The following POPDC2 variants were observed in gnomAD, a reference collection of about 807,000 sequenced individuals.
The protein encoded by POPDC2 is popeye domain cAMP effector 2.
In POPDC2, 24 loss-of-function variants were observed where a neutral mutation model predicts 30.5. The ratio of observed to expected loss-of-function variants is 0.79; its 90% confidence interval spans 0.57 to 1.11. POPDC2 has a LOEUF of 1.11. Among genes scored for constraint, POPDC2 ranks in the 50% least tolerant of loss-of-function variants. The pLI, the probability that POPDC2 is intolerant of heterozygous loss-of-function variation, is 0.00. For missense variants in POPDC2, 409 were observed against 447.0 expected (o/e 0.91, Z 0.77); for synonymous variants, 185 against 183.3 (o/e 1.01, Z -0.07).
At chr3:119,656,332 C>T (rs2107822770) in intron 1 of POPDC2, among the ~76,000 whole-genome samples, 1 of 152,198 alleles carries the variant, frequency 6.6e-6, no homozygotes, top group Non-Finnish European at 1.5e-5. Flanking sequence ...GAGTGGGTTA[C>T]TGTGGCTGCA....
rs778297460 is a variant in POPDC2, at chr3:119,660,392, A to G, written c.32T>C (p.Leu11Pro). ...AATGCACGCTGAACCCTGCAAGAGAAGCTGGCCCACTCTGCTGCTGTTGGC... is the reference window on the plus strand; with the variant it reads ...AATGCACGCTGAACCCTGCAAGAGAGGCTGGCCCACTCTGCTGCTGTTGGC... MSANSSRVGQ[L>P]LLQGSACIRW... The change falls in exon 1 of 4, where the codon CTT (leucine) becomes CCT (proline). Residue 11 changes from leucine (L) to proline (P), a missense_variant. By Grantham distance (98) the Leu-to-Pro change is moderately conservative. Coordinates refer to ENST00000493094, the MANE Select transcript of POPDC2 (RefSeq NM_001369919.2). The G allele has an allele frequency of 5.5e-5, 88 of 1,613,492 alleles. No individual in the cohort carries two copies. Among genetic ancestry groups the G allele is most frequent in the Non-Finnish European group, 7.4e-5 (87 of 1,179,652 alleles).
At chr3:119,652,786 T>C (rs1297526597) in intron 2 of POPDC2, among the ~76,000 whole-genome samples, 1 of 152,216 alleles carries the variant, frequency 6.6e-6, no homozygotes, top group Non-Finnish European at 1.5e-5. Flanking sequence ...GATCTGTGGC[T>C]GGTGACCCTG....
intron 1 of POPDC2, among the ~76,000 whole-genome samples, chr3:119,659,216 T>C (rs1335046069): frequency 6.6e-6 from 1 of 152,226 alleles, no homozygotes; most frequent in East Asian, 1.9e-4. Flanking sequence ...GAGGCGGTGC[T>C]TCCACAAAAG....
At chr3:119,645,153 T>A (rs2052730378) in intron 3 of POPDC2, among the ~76,000 whole-genome samples, 1 of 152,196 alleles carries the variant, frequency 6.6e-6, no homozygotes, top group Non-Finnish European at 1.5e-5. Flanking sequence ...TCATCAGCAG[T>A]TTTCTCATCT....
intron 1 of POPDC2, among the ~76,000 whole-genome samples, chr3:119,656,458 G>A (rs2052880144): frequency 2.0e-5 from 3 of 152,094 alleles, no homozygotes; most frequent in Non-Finnish European, 2.9e-5. Context: ...CAACTTAAGG[G>A]GTTAGGAGCC....
intron 3 of POPDC2, 22 bp downstream of exon 3, chr3:119,648,097 C>T (rs1398326403): frequency 2.7e-5 from 38 of 1,431,438 alleles, no homozygotes; most frequent in Non-Finnish European, 3.2e-5. Flanking sequence ...GAATGTGCAG[C>T]GGCTGCCTTC....
rs200414045 is a variant in POPDC2 at position 119,648,589 on chromosome 3, C to T, written c.680G>A (p.Arg227Gln). The T allele has an allele frequency of 1.2e-5, 20 of 1,613,958 alleles. No homozygotes were observed. The highest frequency in any genetic ancestry group is 1.6e-4 in the Middle Eastern group (1 of 6,084). Reference protein sequence around the residue: ...KSLHLLLTKERYISCLFSALL... With the variant: ...KSLHLLLTKEQYISCLFSALL... ...AGCCGAGAAGAGGCAGGAGATGTAT[C>T]GCTCTTTGGTCAGAAGAAGATGGAG... The change falls in exon 3 of 4, where the codon CGA (arginine) becomes CAA (glutamine). Residue 227 changes from arginine to glutamine, a missense_variant. Coordinates refer to ENST00000493094, the MANE Select transcript of POPDC2 (RefSeq NM_001369919.2).
chr3:119,659,156 CCTGA>C (rs1416447831), intron 1 of POPDC2, among the ~76,000 whole-genome samples: 3 of 152,190 alleles, frequency 2.0e-5, no homozygotes, highest in African/African-American at 7.2e-5. Flanking sequence ...ATACACTGAT[CCTGA>C]CTAAGACCAT....
At chr3:119,644,292 G>T (rs1166370246) in intron 3 of POPDC2, among the ~76,000 whole-genome samples, 1 of 152,168 alleles carries the variant, frequency 6.6e-6, no homozygotes, top group African/African-American at 2.4e-5. Flanking sequence ...TGTGATAATG[G>T]ATTCATTATT....
intron 1 of POPDC2, among the ~76,000 whole-genome samples, chr3:119,657,390 T>TA (rs1486062576): frequency 1.3e-5 from 2 of 151,964 alleles, no homozygotes; most frequent in African/African-American, 4.8e-5. Flanking sequence ...CAGCACCAAT[T>TA]AAAAAAACAA....
chr3:119,645,949 G>A (rs1269710737), intron 3 of POPDC2, among the ~76,000 whole-genome samples: 1 of 152,214 alleles, frequency 6.6e-6, no homozygotes, highest in Non-Finnish European at 1.5e-5. Flanking sequence ...TTTGCAAAAA[G>A]TCACATATTT....
chr3:119,658,853 A>G (rs189790688), intron 1 of POPDC2, among the ~76,000 whole-genome samples: 2 of 152,192 alleles, frequency 1.3e-5, no homozygotes, highest in Admixed American at 1.3e-4. Flanking sequence ...TAGTTGTAGT[A>G]CCATTAGCAT....
chr3:119,657,038 T>C (rs1443414988), intron 1 of POPDC2, among the ~76,000 whole-genome samples: 1 of 152,182 alleles, frequency 6.6e-6, no homozygotes, highest in Admixed American at 6.5e-5. Context: ...GAGAGAAAGA[T>C]TGGTTCTCTT....
intron 2 of POPDC2, 118 bp from the exon 3 acceptor site, chr3:119,648,786 G>A (rs2107815967): frequency 3.4e-6 from 3 of 884,454 alleles, no homozygotes; most frequent in Non-Finnish European, 5.1e-6. Context: ...AAGCTGTGTG[G>A]GAGTACCCCT....
intron 3 of POPDC2, 135 bp from the exon 4 acceptor site, chr3:119,642,696 AT>A: frequency 1.7e-6 from 1 of 597,900 alleles, no homozygotes. Context: ...GCCTGACATG[AT>A]AGGGGCAGGT....
chr3:119,645,206 C>T (rs1249289736), intron 3 of POPDC2, among the ~76,000 whole-genome samples: 1 of 152,166 alleles, frequency 6.6e-6, no homozygotes, highest in Non-Finnish European at 1.5e-5. Context: ...GCATTTCATA[C>T]GATAGTATGT....
At chr3:119,658,159 G>C (rs2052899775) in intron 1 of POPDC2, among the ~76,000 whole-genome samples, 1 of 152,140 alleles carries the variant, frequency 6.6e-6, no homozygotes, top group South Asian at 2.1e-4. Context: ...CCAGCCCAAG[G>C]TTCAGTGATT....
Position 119,660,038 on chromosome 3 carries a change from A to G in POPDC2, c.386T>C (p.Ile129Thr), listed in dbSNP as rs749422208. ...GACCTGCTCCTCGCAGCAGTGAACA[A>G]TCTCCTTGTATGTCTGTAGGGGCAC... is the stretch of plus-strand genomic sequence containing the variant. ...LQVPLQTYKEIVHCCEEQVLT... is the reference protein window; with the variant it reads ...LQVPLQTYKETVHCCEEQVLT... The change falls in exon 1 of 4, where the codon ATT becomes ACT. Residue 129 changes from isoleucine (I) to threonine (T), a missense_variant. Physicochemically the swap from Ile to Thr is moderately conservative, Grantham distance 89. Coordinates refer to ENST00000493094, the MANE Select transcript of POPDC2 (RefSeq NM_001369919.2). 6.2e-7 allele frequency: 1 copy of G among 1,614,212 alleles called. No individual in the cohort carries two copies. The highest frequency in any genetic ancestry group is 1.1e-5 in the South Asian group (1 of 91,082).
chr3:119,659,566 A>G (rs191912116), intron 1 of POPDC2, among the ~76,000 whole-genome samples: 1 of 152,338 alleles, frequency 6.6e-6, no homozygotes, highest in East Asian at 1.9e-4. Flanking sequence ...TAGTTTTTCA[A>G]AGCTTACAGA....
Sources: allele counts gnomAD v4.1 joint callset (sites outside exome capture counted in the v4.1 genomes callset), GRCh38; gene constraint gnomAD v4.1.1; transcripts MANE v1.5; gene names NCBI Gene and HGNC (gene_info 2026-07-23, HGNC 2026-07-21).